NFX1: variants seen among roughly 807,000 people sequenced by gnomAD.
The protein encoded by NFX1 is transcriptional repressor NF-X1.
A neutral mutation model predicts 137.2 loss-of-function variants in NFX1; 69 were observed. That is an observed-to-expected ratio of 0.50 (90% CI 0.41 to 0.61). The LOEUF (loss-of-function observed/expected upper bound fraction) is 0.61. Among genes scored for constraint, NFX1 ranks in the 20% least tolerant of loss-of-function variants. The pLI is 0.00. For synonymous variants in NFX1, 495 were observed against 474.1 expected (o/e 1.04, Z -0.57); for missense variants, 1,167 against 1,391.0 (o/e 0.84, Z 2.56).
At position 33,370,526 on chromosome 9, in the gene NFX1, C is replaced by G. The variant is rs1263161780; in HGVS notation, c.*548C>G. 1 of 152,612 alleles carries G rather than the reference C, an allele frequency of 6.6e-6. No individual in the cohort carries two copies. Among genetic ancestry groups the G allele is most frequent in the Non-Finnish European group, 1.5e-5 (1 of 68,376 alleles). The allele number at this position is 152,612 out of a possible 1,614,324, so 9.5% of individuals were successfully genotyped here. A position where few individuals can be genotyped will look rare whatever the true frequency, so the allele number is the denominator to read the frequency against. On this transcript the variant is annotated 3_prime_UTR_variant, in exon 24 of 24. Transcript: ENST00000379540. ...TTAAACCCAGCCATCATACCTAAGT[C>G]TTTTGCCAAAACCTCTCATAGGTAT...
intron 11 of NFX1, among the ~76,000 whole-genome samples, chr9:33,334,194 TC>T (rs1222310021): frequency 3.3e-5 from 5 of 151,948 alleles, no homozygotes; most frequent in Admixed American, 6.6e-5. Context: ...GTGGCTCACA[TC>T]TGTAATCCTT....
chr9:33,351,714 G>T lies in NFX1; in HGVS notation c.2579G>T (p.Arg860Ile). The T allele has an allele frequency of 6.2e-7, 1 of 1,613,920 alleles. No individual in the cohort carries two copies. The change falls in exon 16 of 24, where the codon AGA becomes ATA. Residue 860 changes from arginine to isoleucine, a missense_variant. Coordinates refer to ENST00000379540, the MANE Select transcript of NFX1 (RefSeq NM_002504.6). ...TGCAAGCAGCCCTGCACCACCCCCA[G>T]AGCTGACTGTGGTCACCCGTGTATG... is the stretch of plus-strand genomic sequence containing the variant. ...EPCKQPCTTP[R>I]ADCGHPCMAP...
intron 17 of NFX1, 53 bp downstream of exon 17, chr9:33,352,772 GTGTTT>G (rs1166158274): frequency 3.4e-6 from 5 of 1,461,574 alleles, no homozygotes; most frequent in African/African-American, 2.8e-5. Flanking sequence ...ACAGATACAT[GTGTTT>G]TGTTTTGTTT....
chr9:33,344,694 C>T (rs1402435337), intron 14 of NFX1, among the ~76,000 whole-genome samples: 7 of 151,010 alleles, frequency 4.6e-5, no homozygotes, highest in Admixed American at 1.3e-4. Flanking sequence ...GGTGAAACCC[C>T]GTCTCTACTA....
chr9:33,352,590 C>T, intron 16 of NFX1, 56 bp from the exon 17 acceptor site: 1 of 1,452,640 alleles, frequency 6.9e-7, no homozygotes. Flanking sequence ...GTGAAAAGTG[C>T]TTTATTCACA....
chr9:33,308,593 A>C (rs761163839), intron 5 of NFX1, among the ~76,000 whole-genome samples: 13 of 152,232 alleles, frequency 8.5e-5, no homozygotes, highest in Non-Finnish European at 1.3e-4. Context: ...GGTTCAAGTT[A>C]CTTAAATAGT....
intron 15 of NFX1, 37 bp from the exon 16 acceptor site, chr9:33,351,523 A>G (rs775956984): frequency 1.9e-6 from 3 of 1,580,796 alleles, no homozygotes; most frequent in Non-Finnish European, 2.6e-6. Context: ...CAAATCCCAC[A>G]TGGAGATGAG....
chr9:33,295,489 A>T lies in NFX1; in HGVS notation c.1033+62A>T, dbSNP rs545113995. 2.6e-5 allele frequency: 38 copies of T among 1,459,248 alleles called. No individual in the cohort carries two copies. In the Middle Eastern group the frequency reaches 2.0e-3, roughly 76 times the overall value. The allele number at this position is 1,459,248 out of a possible 1,614,324, so 90.4% of individuals were successfully genotyped here. A position where few individuals can be genotyped will look rare whatever the true frequency, so the allele number is the denominator to read the frequency against. On this transcript the variant is annotated intron_variant, in intron 2 of 23. Coordinates refer to ENST00000379540, the MANE Select transcript of NFX1 (RefSeq NM_002504.6). ...TTTAATTTAAATTTTTAAATAAGTC[A>T]TATATTCACATAATTTAGAAAGCAG...
At chr9:33,330,875 A>T (rs1056963954) in intron 10 of NFX1, among the ~76,000 whole-genome samples, 5 of 151,988 alleles carry the variant, frequency 3.3e-5, no homozygotes, top group African/African-American at 4.8e-5. Context: ...TAAAAAAAAA[A>T]CTCTTCAAAA....
intron 19 of NFX1, among the ~76,000 whole-genome samples, chr9:33,355,629 CTG>C (rs1372086920): frequency 4.1e-5 from 6 of 144,966 alleles, no homozygotes; most frequent in African/African-American, 1.0e-4. Context: ...ACAAATAAAA[CTG>C]TTAAGAATTC....
At position 33,298,752 on chromosome 9, in the gene NFX1, C is replaced by G. The variant is rs1043835049; in HGVS notation, c.1034-2511C>G. Among the ~76,000 whole-genome samples the G allele has an allele frequency of 4.6e-5, 7 of 152,066 alleles. No individual in the cohort carries two copies. In the East Asian group the frequency reaches 1.3e-3, roughly 29 times the overall value. On this transcript the variant is annotated intron_variant, in intron 2 of 23. Coordinates refer to ENST00000379540, the MANE Select transcript of NFX1 (RefSeq NM_002504.6). ...TAAGTAGTGGTTGTGCCACTGCACT[C>G]TAGCCTGGGTGACAGAATAAGAACC...
intron 9 of NFX1, among the ~76,000 whole-genome samples, chr9:33,325,996 A>G (rs1822571787): frequency 6.6e-6 from 1 of 152,234 alleles, no homozygotes; most frequent in South Asian, 2.1e-4. Context: ...GTAGAAGTAT[A>G]TTTGATAATT....
In NFX1 at chr9:33,311,169, A is replaced by G; in HGVS notation, c.1440A>G (p.Gly480=). 6.2e-7 allele frequency: 1 copy of G among 1,613,972 alleles called. No individual in the cohort carries two copies. Among genetic ancestry groups the G allele is most frequent in the Non-Finnish European group, 8.5e-7 (1 of 1,179,838 alleles). The change falls in exon 6 of 24, where the codon GGA becomes GGG. Residue 480 remains glycine, a synonymous_variant. Coordinates refer to ENST00000379540, the MANE Select transcript of NFX1 (RefSeq NM_002504.6). ...PAFMTKTCEC[G]RTRHTVRCGQ... ...TTATGACAAAAACATGTGAATGTGGACGAACCAGGTAAAGTTAAAATTACA... is the reference window on the plus strand; with the variant it reads ...TTATGACAAAAACATGTGAATGTGGGCGAACCAGGTAAAGTTAAAATTACA...
chr9:33,312,928 GTTTA>G (rs892614877), intron 6 of NFX1, among the ~76,000 whole-genome samples: 1 of 152,196 alleles, frequency 6.6e-6, no homozygotes, highest in African/African-American at 2.4e-5. Context: ...AAATCAGGAT[GTTTA>G]TTAGAACAAA....
chr9:33,333,831 A>G lies in NFX1; in HGVS notation c.2035+1329A>G, dbSNP rs568430850. On this transcript the variant is annotated intron_variant, in intron 11 of 23. Transcript: ENST00000379540. ...TTCAGTGTGCCATCTGTATCAAGGA[A>G]AAAAAGTTTGGTTATTAAAAACATA... Among the ~76,000 whole-genome samples the G allele has an allele frequency of 3.9e-5, 6 of 152,278 alleles. No homozygotes were observed. In the East Asian group the frequency reaches 9.6e-4, roughly 24 times the overall value.
chr9:33,330,948 G>A (rs1314489195), intron 10 of NFX1, among the ~76,000 whole-genome samples: 12 of 152,170 alleles, frequency 7.9e-5, no homozygotes, highest in Admixed American at 4.6e-4. Flanking sequence ...GGAGGCTGAG[G>A]TGGGCGGATC....
rs777289568 is a variant in NFX1, at chr9:33,290,593, C to T, written c.21C>T (p.Val7=). The change falls in exon 1 of 24, where the codon GTC becomes GTT. Residue 7 remains valine (V), a synonymous_variant. Transcript: ENST00000379540. ...ACGGGATGGCGGAGGCGCCTCCTGTCTCAGGTATTGTCCCGGCCCGAGCGG... is the reference window on the plus strand; with the variant it reads ...ACGGGATGGCGGAGGCGCCTCCTGTTTCAGGTATTGTCCCGGCCCGAGCGG... MAEAPP[V]SGTFKFNTDA... 1.2e-6 allele frequency: 2 copies of T among 1,613,814 alleles called. No individual in the cohort carries two copies. Among genetic ancestry groups the T allele is most frequent in the Non-Finnish European group, 1.7e-6 (2 of 1,179,950 alleles).
intron 11 of NFX1, among the ~76,000 whole-genome samples, chr9:33,336,126 G>A (rs1322356828): frequency 2.0e-5 from 3 of 152,124 alleles, no homozygotes; most frequent in Admixed American, 6.5e-5. Flanking sequence ...GTTTTCCACA[G>A]TGGCTACACC....
chr9:33,353,246 A>T (rs997498496), intron 17 of NFX1, among the ~76,000 whole-genome samples: 1 of 152,116 alleles, frequency 6.6e-6, no homozygotes, highest in African/African-American at 2.4e-5. Flanking sequence ...AAGTTAGGTG[A>T]ATTGCTTTCA....
Sources: gnomAD v4.1 joint callset for allele counts (sites outside exome capture counted in the v4.1 genomes callset) on GRCh38, gnomAD v4.1.1 for gene constraint, MANE v1.5 for transcripts, NCBI Gene and HGNC (gene_info 2026-07-23, HGNC 2026-07-21) for gene names.